The following BAZ2B variants were observed in gnomAD, a reference collection of about 807,000 sequenced individuals.
BAZ2B encodes bromodomain adjacent to zinc finger domain protein 2B.
Under a neutral mutation model 246.0 loss-of-function variants are expected in BAZ2B, and 91 were observed. The observed-to-expected ratio is 0.37, with a 90% CI of 0.31 to 0.44. The LOEUF (loss-of-function observed/expected upper bound fraction) is 0.44. BAZ2B is among the 20% of genes least tolerant of loss of function. The pLI is 1.00. For synonymous variants in BAZ2B, 855 were observed against 860.0 expected, an observed-to-expected ratio of 0.99 and a Z score of 0.10; for missense variants, 2,332 against 2,533.7, an observed-to-expected ratio of 0.92 and a Z score of 1.71.
At chr2:159,679,129 T>C in the BAZ2B span, among the ~76,000 whole-genome samples, 206 of 151,970 alleles carry the variant, frequency 1.4e-3, no homozygotes, top group Middle Eastern at 6.8e-3. Flanking sequence ...AAAATTAGCC[T>C]GCTGTGGTGG....
At chr2:159,638,222 G>T in the BAZ2B span, among the ~76,000 whole-genome samples, 1 of 152,218 alleles carries the variant, frequency 6.6e-6, no homozygotes, top group Non-Finnish European at 1.5e-5. Context: ...CAGCATTATT[G>T]GGCTTGGGGC....
At chr2:159,696,931 T>A in the BAZ2B span, among the ~76,000 whole-genome samples, 1 of 152,080 alleles carries the variant, frequency 6.6e-6, no homozygotes, top group East Asian at 1.9e-4. Flanking sequence ...CGACTACAGG[T>A]GCGTGCCACC....
At chr2:159,608,326 G>T (rs1438624724) in intron 1 of BAZ2B, among the ~76,000 whole-genome samples, 3 of 152,332 alleles carry the variant, frequency 2.0e-5, no homozygotes, top group East Asian at 1.9e-4. Context: ...AGTAAACTGG[G>T]ATCGTGCCAC....
intron 25 of BAZ2B, among the ~76,000 whole-genome samples, chr2:159,376,091 CG>C (rs989137799): frequency 3.3e-5 from 5 of 152,156 alleles, no homozygotes. Flanking sequence ...AGAAGGTACA[CG>C]GGTTTCTTTG....
At chr2:159,397,068 C>T (rs1355254577) in intron 19 of BAZ2B, 5 of 1,401,144 alleles carry the variant, frequency 3.6e-6, no homozygotes, top group Non-Finnish European at 4.8e-6. Context: ...ATAAACATAC[C>T]CATACCATAT....
chr2:159,382,866 C>T, intron 24 of BAZ2B, 64 bp from the exon 25 acceptor site: 3 of 1,559,672 alleles, frequency 1.9e-6, no homozygotes, highest in Non-Finnish European at 2.6e-6. Context: ...TTTAAAAGAG[C>T]AAAACATGAG....
chr2:159,460,399 C>T (rs572161863), intron 3 of BAZ2B: 1 of 152,044 alleles, frequency 6.6e-6, no homozygotes, highest in African/African-American at 2.4e-5. Flanking sequence ...AGCACTCAAT[C>T]TTTTTAAAAG....
rs769004027 is a variant in BAZ2B, at chr2:159,373,194, T to TA, written c.4069-6dup. ...CCTTCTGTACTGACTCTGTTGCTGT[T>TA]AAAAAAATGGTACATATAATTAGGT... On this transcript the variant is annotated splice_polypyrimidine_tract_variant and splice_region_variant and intron_variant, in intron 26 of 36. Transcript: ENST00000392783. 5.5e-5 allele frequency: 88 copies of TA among 1,599,956 alleles called. 2 individuals are homozygous for TA. The East Asian group carries it at 1.7e-3, about 31-fold the overall frequency.
rs1299044924 is a variant in BAZ2B, at chr2:159,344,544, AAAAG to A, written c.5454+2938_5454+2941del. ...AGTGAAACTCCGTCTCAAAAAAAAA[AAAAG>A]AAAAGAAAAGACATCTGCATCCCGA... is the stretch of plus-strand genomic sequence containing the variant. On this transcript the variant is annotated intron_variant, in intron 31 of 36. Coordinates refer to ENST00000392783, the MANE Select transcript of BAZ2B (RefSeq NM_013450.4). Among the ~76,000 whole-genome samples the A allele has an allele frequency of 2.8e-4, 43 of 151,588 alleles. No individual in the cohort carries two copies. In the East Asian group the frequency reaches 5.6e-3, roughly 20 times the overall value.
At chr2:159,628,259 C>T in the BAZ2B span, among the ~76,000 whole-genome samples, 1 of 152,148 alleles carries the variant, frequency 6.6e-6, no homozygotes, top group South Asian at 2.1e-4. Context: ...GTAATTTATA[C>T]ATTCAATGCT....
chr2:159,581,463 C>T (rs996853275), intron 1 of BAZ2B, among the ~76,000 whole-genome samples: 2 of 152,132 alleles, frequency 1.3e-5, no homozygotes, highest in African/African-American at 4.8e-5. Context: ...AACACTTTTA[C>T]ACTGTTGGTG....
chr2:159,399,802 G>T (rs1389728288), intron 17 of BAZ2B, among the ~76,000 whole-genome samples: 2 of 152,132 alleles, frequency 1.3e-5, no homozygotes, highest in Non-Finnish European at 2.9e-5. Flanking sequence ...TGGAGAAGTT[G>T]TAATAAATTT....
chr2:159,676,952 TTATATATATATATATATATA>T, the BAZ2B span, among the ~76,000 whole-genome samples: 8,899 of 117,832 alleles, frequency 0.076, 485 homozygotes, highest in Middle Eastern at 0.14. Context: ...AATAGTTTTG[TTATATATATATATATATATA>T]TATATATATA....
chr2:159,579,664 A>C (rs1331805727), intron 1 of BAZ2B, among the ~76,000 whole-genome samples: 1 of 152,216 alleles, frequency 6.6e-6, no homozygotes. Flanking sequence ...ACATCGATGC[A>C]AAAATCCTCA....
chr2:159,634,079 C>CTT, the BAZ2B span, among the ~76,000 whole-genome samples: 1 of 152,068 alleles, frequency 6.6e-6, no homozygotes, highest in Non-Finnish European at 1.5e-5. Flanking sequence ...ACACAAGGAC[C>CTT]AAAATTCAAT....
the BAZ2B span, among the ~76,000 whole-genome samples, chr2:159,662,977 A>G: frequency 0.23 from 34,471 of 152,112 alleles, 5,222 homozygotes; most frequent in Admixed American, 0.37. Flanking sequence ...TTAGATAAAT[A>G]TGTATTTTGA....
At chr2:159,495,457 C>T (rs1401068534) in intron 2 of BAZ2B, among the ~76,000 whole-genome samples, 2 of 119,668 alleles carry the variant, frequency 1.7e-5, no homozygotes, top group African/African-American at 6.9e-5. Flanking sequence ...TGCACTCCAG[C>T]CTGGGCGACA....
At chr2:159,416,144 C>T (rs1012369792) in intron 13 of BAZ2B, among the ~76,000 whole-genome samples, 1 of 151,830 alleles carries the variant, frequency 6.6e-6, no homozygotes. Flanking sequence ...AAGAAAAGAC[C>T]GTCAGAAAAA....
the BAZ2B span, among the ~76,000 whole-genome samples, chr2:159,687,604 C>T: frequency 6.6e-6 from 1 of 152,218 alleles, no homozygotes; most frequent in Non-Finnish European, 1.5e-5. Flanking sequence ...CCTTCCAGAC[C>T]TCACCCTATA....
Sources: gnomAD v4.1 joint callset for allele counts (sites outside exome capture counted in the v4.1 genomes callset) on GRCh38, gnomAD v4.1.1 for gene constraint, MANE v1.5 for transcripts, NCBI Gene and HGNC (gene_info 2026-07-23, HGNC 2026-07-21) for gene names.